PPARGC1A: variants seen among roughly 807,000 people sequenced by gnomAD.
PPARGC1A encodes peroxisome proliferator-activated receptor gamma coactivator 1-alpha.
Under a neutral mutation model 88.7 loss-of-function variants are expected in PPARGC1A, and 25 were observed. The ratio of observed to expected loss-of-function variants is 0.28; its 90% CI spans 0.21 to 0.39. PPARGC1A has a LOEUF of 0.39. Ranked by LOEUF, PPARGC1A falls within the 10% of genes least tolerant of loss-of-function variation. The probability of loss-of-function intolerance (pLI) is 1.00; values close to 1 mark genes in which losing one functional copy is unlikely to be tolerated. For missense variants in PPARGC1A, 880 were observed against 968.7 expected (o/e 0.91, Z 1.22); for synonymous variants, 363 against 355.6 (o/e 1.02, Z -0.24).
At chr4:23,859,854 A>G (rs1490829828) in intron 2 of PPARGC1A, among the ~76,000 whole-genome samples, 2 of 138,590 alleles carry the variant, frequency 1.4e-5, no homozygotes, top group Admixed American at 1.5e-4. Flanking sequence ...ATAAAATAAA[A>G]TAACACCAAA....
chr4:23,819,146 G>A (rs1449916170), intron 7 of PPARGC1A, among the ~76,000 whole-genome samples: 1 of 152,006 alleles, frequency 6.6e-6, no homozygotes, highest in Non-Finnish European at 1.5e-5. Context: ...AGTACCAACC[G>A]TTACCTCTAC....
At chr4:24,368,131 T>C in the PPARGC1A span, among the ~76,000 whole-genome samples, 1 of 152,206 alleles carries the variant, frequency 6.6e-6, no homozygotes, top group Non-Finnish European at 1.5e-5. Flanking sequence ...ACCTCAGTGC[T>C]TTGCTGTATG....
At chr4:23,974,808 T>TTTTTC in the PPARGC1A span, among the ~76,000 whole-genome samples, 1 of 128,568 alleles carries the variant, frequency 7.8e-6, no homozygotes, top group Non-Finnish European at 1.6e-5. Context: ...AATTTTTTTT[T>TTTTTC]TTTTTTTTTT....
At chr4:24,032,694 G>C in the PPARGC1A span, among the ~76,000 whole-genome samples, 4 of 152,156 alleles carry the variant, frequency 2.6e-5, no homozygotes, top group Non-Finnish European at 5.9e-5. Context: ...AGAGGAGTTG[G>C]TTTATTTTTT....
chr4:24,052,638 G>GAA, the PPARGC1A span, among the ~76,000 whole-genome samples: 531 of 129,050 alleles, frequency 4.1e-3, 7 homozygotes, highest in East Asian at 0.027. Context: ...TTACATCTCA[G>GAA]AAAAAAAAAA....
the PPARGC1A span, among the ~76,000 whole-genome samples, chr4:24,312,769 A>G: frequency 2.0e-5 from 3 of 152,174 alleles, no homozygotes; most frequent in African/African-American, 7.2e-5. Flanking sequence ...GAAGTTTTTT[A>G]TTTGTTTACT....
the PPARGC1A span, among the ~76,000 whole-genome samples, chr4:24,359,660 A>G: frequency 5.9e-5 from 9 of 152,204 alleles, no homozygotes; most frequent in African/African-American, 2.2e-4. Context: ...CCCTAATCCA[A>G]TGACTGGTGT....
the PPARGC1A span, among the ~76,000 whole-genome samples, chr4:24,232,027 T>G: frequency 6.6e-6 from 1 of 152,226 alleles, no homozygotes; most frequent in African/African-American, 2.4e-5. Flanking sequence ...TGTGGCTGTC[T>G]TCAAATACAT....
chr4:23,980,215 G>T, the PPARGC1A span, among the ~76,000 whole-genome samples: 33 of 146,990 alleles, frequency 2.2e-4, no homozygotes, highest in African/African-American at 8.3e-4. Context: ...AAAAATGGAG[G>T]ATACATGGCT....
At chr4:23,908,067 A>G (rs966096360), upstream of PPARGC1A, among the ~76,000 whole-genome samples, 1 of 152,210 alleles carries the variant, frequency 6.6e-6, no homozygotes, top group African/African-American at 2.4e-5. Context: ...ACAAAGTGAT[A>G]TTTGAATTCA....
chr4:23,825,919 C>T (rs542884063), intron 5 of PPARGC1A, among the ~76,000 whole-genome samples: 1 of 152,090 alleles, frequency 6.6e-6, no homozygotes, highest in Non-Finnish European at 1.5e-5. Flanking sequence ...AGAAACTTTA[C>T]CAAGTTTTAT....
the PPARGC1A span, among the ~76,000 whole-genome samples, chr4:24,072,102 A>G: frequency 6.7e-6 from 1 of 148,646 alleles, no homozygotes; most frequent in African/African-American, 2.4e-5. Context: ...GTCCTCTTCA[A>G]TAATTTCATT....
At position 23,814,184 on chromosome 4, in the gene PPARGC1A, G is replaced by A; in HGVS notation, c.1299C>T (p.Tyr433=). 1 of 1,614,088 alleles carries A rather than the reference G, an allele frequency of 6.2e-7. No homozygotes were observed. The highest frequency in any genetic ancestry group is 8.5e-7 in the Non-Finnish European group (1 of 1,180,004). The change falls in exon 8 of 13, where the codon TAC becomes TAT. Residue 433 remains tyrosine, a synonymous_variant. Transcript: ENST00000264867. ...TGCTTGCCTCCAAAGTCTCTCTCAG[G>A]TAGCACTGGTCTGAATCTGTGGAAG... is the stretch of plus-strand genomic sequence containing the variant. The part of the protein sequence containing the change: ...ICSSTDSDQC[Y]LRETLEASKQ...
At chr4:23,905,873 T>C (rs1182741698), upstream of PPARGC1A, among the ~76,000 whole-genome samples, 2 of 152,192 alleles carry the variant, frequency 1.3e-5, no homozygotes, top group African/African-American at 4.8e-5. Context: ...CATTTTTTGT[T>C]TGTGCCCAAC....
the PPARGC1A span, among the ~76,000 whole-genome samples, chr4:24,111,566 G>A: frequency 1.3e-5 from 2 of 152,058 alleles, no homozygotes; most frequent in South Asian, 2.1e-4. Flanking sequence ...AAATTAAATT[G>A]ATATTTAAAT....
chr4:24,421,488 T>C, the PPARGC1A span, among the ~76,000 whole-genome samples: 1 of 152,108 alleles, frequency 6.6e-6, no homozygotes, highest in Admixed American at 6.5e-5. Flanking sequence ...TTTTTTTGCA[T>C]TTTTAGTAGA....
At chr4:24,458,527 A>T in the PPARGC1A span, among the ~76,000 whole-genome samples, 1 of 152,144 alleles carries the variant, frequency 6.6e-6, no homozygotes, top group South Asian at 2.1e-4. Flanking sequence ...ATAAGAAAAT[A>T]CTGTAATATG....
At chr4:24,218,856 G>A in the PPARGC1A span, among the ~76,000 whole-genome samples, 1 of 152,168 alleles carries the variant, frequency 6.6e-6, no homozygotes, top group African/African-American at 2.4e-5. Flanking sequence ...CCTGAATAGA[G>A]TAATTTTATA....
chr4:24,024,360 CG>C, the PPARGC1A span, among the ~76,000 whole-genome samples: 1 of 152,170 alleles, frequency 6.6e-6, no homozygotes, highest in Non-Finnish European at 1.5e-5. Context: ...ATGCAATGTG[CG>C]TCTGATTCCA....
Sources: gnomAD v4.1 joint callset for allele counts (sites outside exome capture counted in the v4.1 genomes callset) on GRCh38, gnomAD v4.1.1 for gene constraint, MANE v1.5 for transcripts, NCBI Gene and HGNC (gene_info 2026-07-23, HGNC 2026-07-21) for gene names.